GALNTL6: variants seen among roughly 807,000 people sequenced by gnomAD.
The protein encoded by GALNTL6 is polypeptide N-acetylgalactosaminyltransferase like 6.
A neutral mutation model predicts 73.7 loss-of-function variants in GALNTL6; 46 were observed. The observed-to-expected ratio is 0.62, with a 90% CI of 0.49 to 0.80. The LOEUF is 0.80. Among genes scored for constraint, GALNTL6 ranks in the 30% least tolerant of loss-of-function variants. The pLI is 0.00. For synonymous variants in GALNTL6, 259 were observed against 263.7 expected, an observed-to-expected ratio of 0.98 and a Z score of 0.17; for missense variants, 604 against 755.0, an observed-to-expected ratio of 0.80 and a Z score of 2.34.
chr4:172,866,923 GA>G (rs1485173687), intron 7 of GALNTL6, among the ~76,000 whole-genome samples: 1 of 152,170 alleles, frequency 6.6e-6, no homozygotes, highest in Non-Finnish European at 1.5e-5. Context: ...TATGGCAAAT[GA>G]GAATAAATTG....
At chr4:172,914,390 A>G (rs984441031) in intron 8 of GALNTL6, among the ~76,000 whole-genome samples, 20 of 152,238 alleles carry the variant, frequency 1.3e-4, no homozygotes, top group African/African-American at 4.8e-4. Context: ...TCAAATTCAC[A>G]CATAACTATA....
At chr4:172,072,849 C>T (rs1448781995) in intron 2 of GALNTL6, among the ~76,000 whole-genome samples, 2 of 152,146 alleles carry the variant, frequency 1.3e-5, no homozygotes, top group Non-Finnish European at 2.9e-5. Flanking sequence ...CCTATGCAGT[C>T]TATCTTTTAT....
chr4:172,987,857 C>G (rs1751359762), intron 10 of GALNTL6, among the ~76,000 whole-genome samples: 1 of 152,168 alleles, frequency 6.6e-6, no homozygotes, highest in African/African-American at 2.4e-5. Flanking sequence ...GCCTCTCCAG[C>G]CTACTACAAT....
chr4:172,121,938 C>T (rs1733161474), intron 2 of GALNTL6, among the ~76,000 whole-genome samples: 1 of 147,040 alleles, frequency 6.8e-6, no homozygotes, highest in Non-Finnish European at 1.5e-5. Flanking sequence ...ATCAAATAAT[C>T]ATGGGAAATT....
At chr4:172,701,658 T>C (rs1340196159) in intron 5 of GALNTL6, among the ~76,000 whole-genome samples, 2 of 151,650 alleles carry the variant, frequency 1.3e-5, no homozygotes, top group African/African-American at 2.4e-5. Context: ...GAAATGGAGG[T>C]TCCACGAAAG....
At chr4:172,112,007 A>C (rs1436978722) in intron 2 of GALNTL6, among the ~76,000 whole-genome samples, 1 of 152,066 alleles carries the variant, frequency 6.6e-6, no homozygotes, top group Non-Finnish European at 1.5e-5. Flanking sequence ...TGACATGCAC[A>C]CACTATTAAA....
intron 5 of GALNTL6, among the ~76,000 whole-genome samples, chr4:172,721,036 T>C (rs1229010727): frequency 1.3e-5 from 2 of 152,174 alleles, no homozygotes; most frequent in Middle Eastern, 3.2e-3. Context: ...TTTCTCCTTC[T>C]TTCTGTCTCT....
chr4:172,406,530 T>C (rs901264650), intron 5 of GALNTL6, among the ~76,000 whole-genome samples: 2 of 152,020 alleles, frequency 1.3e-5, no homozygotes, highest in Non-Finnish European at 2.9e-5. Flanking sequence ...AAAAATATTG[T>C]CTTCAAGAGA....
At chr4:171,950,772 C>T (rs1024118397) in intron 2 of GALNTL6, among the ~76,000 whole-genome samples, 1 of 152,030 alleles carries the variant, frequency 6.6e-6, no homozygotes, top group Admixed American at 6.6e-5. Flanking sequence ...GCCACAACGC[C>T]CAGCCAGTAA....
intron 5 of GALNTL6, among the ~76,000 whole-genome samples, chr4:172,753,435 T>G (rs1364834039): frequency 6.6e-6 from 1 of 152,242 alleles, no homozygotes; most frequent in African/African-American, 2.4e-5. Context: ...TTTTGAATTA[T>G]TTTCAAAGTG....
chr4:172,521,233 G>C (rs1264675419), intron 5 of GALNTL6, among the ~76,000 whole-genome samples: 1 of 152,070 alleles, frequency 6.6e-6, no homozygotes, highest in African/African-American at 2.4e-5. Flanking sequence ...GACAGTATCT[G>C]TTTTGTCCTA....
intron 2 of GALNTL6, among the ~76,000 whole-genome samples, chr4:172,023,839 A>C (rs939557269): frequency 8.6e-5 from 13 of 151,884 alleles, no homozygotes; most frequent in African/African-American, 1.7e-4. Flanking sequence ...TTATAATACA[A>C]ATACATTTAT....
rs375025310 is a variant in GALNTL6 at position 172,487,634 on chromosome 4, C to T, written c.553+138945C>T. On this transcript the variant is annotated intron_variant, in intron 5 of 12. Transcript: ENST00000506823. Reference sequence around the variant, plus strand: ...AACTCCTGACCTCAGGTGATCTGCCCGCCTCAGCCTCCCAAAGTGCTGGGA... The same window carrying T: ...AACTCCTGACCTCAGGTGATCTGCCTGCCTCAGCCTCCCAAAGTGCTGGGA... Among the ~76,000 whole-genome samples, 126 of 151,940 alleles carry T rather than the reference C, an allele frequency of 8.3e-4. 2 individuals are homozygous for T. The East Asian group carries it at 0.019, about 23-fold the overall frequency.
intron 2 of GALNTL6, among the ~76,000 whole-genome samples, chr4:172,004,905 G>GA (rs1442797415): frequency 1.3e-5 from 2 of 150,236 alleles, no homozygotes; most frequent in African/African-American, 4.9e-5. Context: ...AAAAAAAGAA[G>GA]AAAAAGTTTG....
chr4:172,831,140 A>C (rs948239572), intron 7 of GALNTL6, among the ~76,000 whole-genome samples: 2 of 120,892 alleles, frequency 1.7e-5, no homozygotes, highest in Non-Finnish European at 3.2e-5. Context: ...CCTGGGTGAC[A>C]GAATGAGACT....
rs139720942 is a variant in GALNTL6, at chr4:172,927,417, C to T, written c.1042-3744C>T. On this transcript the variant is annotated intron_variant, in intron 8 of 12. Transcript: ENST00000506823. ...ATTTTGGTTATCGGTGTTAGTAATT[C>T]ACCTTTATCATGGATTTAGAAATAT... 1.1e-3 allele frequency among the ~76,000 whole-genome samples: 173 copies of T among 152,290 alleles called. No individual in the cohort carries two copies. The East Asian group carries it at 0.014, about 12-fold the overall frequency.
chr4:172,706,260 T>G (rs1191014272), intron 5 of GALNTL6, among the ~76,000 whole-genome samples: 1 of 152,080 alleles, frequency 6.6e-6, no homozygotes, highest in East Asian at 1.9e-4. Flanking sequence ...AATGTATTTT[T>G]CATTTTGACC....
At chr4:172,272,185 C>A (rs1438362432) in intron 3 of GALNTL6, among the ~76,000 whole-genome samples, 1 of 152,126 alleles carries the variant, frequency 6.6e-6, no homozygotes. Context: ...AAACTCCTGA[C>A]CTCAGGTGGT....
intron 5 of GALNTL6, among the ~76,000 whole-genome samples, chr4:172,609,625 C>CTCTCTCTCTCTG (rs753051714): frequency 4.3e-5 from 4 of 92,778 alleles, no homozygotes; most frequent in African/African-American, 1.8e-4. Context: ...CTCTCTCTCT[C>CTCTCTCTCTCTG]TGTGTGTGTG....
Sources: gnomAD v4.1 joint callset for allele counts (sites outside exome capture counted in the v4.1 genomes callset) on GRCh38, gnomAD v4.1.1 for gene constraint, MANE v1.5 for transcripts, NCBI Gene and HGNC (gene_info 2026-07-23, HGNC 2026-07-21) for gene names.